Variants in SGCD observed in about 807,000 individuals in gnomAD.
SGCD encodes the protein delta-sarcoglycan.
A neutral mutation model predicts 36.6 loss-of-function variants in SGCD; 18 were observed. The ratio of observed to expected loss-of-function variants is 0.49; its 90% CI spans 0.34 to 0.73. The LOEUF is 0.73. Ranked by LOEUF, SGCD falls within the 30% of genes least tolerant of loss-of-function variation. The pLI, the probability that SGCD is intolerant of heterozygous loss-of-function variation, is 0.01. For missense variants in SGCD, 387 were observed against 346.7 expected (o/e 1.12, Z -0.92); for synonymous variants, 133 against 130.6 (o/e 1.02, Z -0.12).
At chr5:156,630,471 G>A (rs894535723) in intron 6 of SGCD, among the ~76,000 whole-genome samples, 8 of 152,112 alleles carry the variant, frequency 5.3e-5, no homozygotes, top group African/African-American at 1.7e-4. Context: ...CTCTTACTGT[G>A]TGCCATGCAC....
chr5:156,296,734 G>A (rs1364002647), intron 3 of SGCD, among the ~76,000 whole-genome samples: 3 of 152,052 alleles, frequency 2.0e-5, no homozygotes, highest in African/African-American at 7.2e-5. Context: ...GAAAATGTTG[G>A]AGGAGCATCT....
At chr5:155,814,151 A>G in the SGCD span, among the ~76,000 whole-genome samples, 5 of 152,188 alleles carry the variant, frequency 3.3e-5, no homozygotes, top group African/African-American at 1.2e-4. Flanking sequence ...TGTTGTTTCT[A>G]GGCACATTTT....
At chr5:155,948,525 A>G (rs150396253) in intron 1 of SGCD, among the ~76,000 whole-genome samples, 1 of 152,320 alleles carries the variant, frequency 6.6e-6, no homozygotes, top group Non-Finnish European at 1.5e-5. Flanking sequence ...GGCAAAAGCA[A>G]ACTCTAATTG....
chr5:155,938,278 C>G (rs1757256460), intron 1 of SGCD, among the ~76,000 whole-genome samples: 2 of 152,184 alleles, frequency 1.3e-5, no homozygotes, highest in Admixed American at 1.3e-4. Flanking sequence ...TACTTCACTG[C>G]AGGCCACAGG....
At chr5:155,901,638 A>T (rs947316662) in intron 1 of SGCD, among the ~76,000 whole-genome samples, 2 of 152,208 alleles carry the variant, frequency 1.3e-5, no homozygotes, top group African/African-American at 4.8e-5. Context: ...GTGGTAAGAA[A>T]AAAAAGTTAC....
the SGCD span, among the ~76,000 whole-genome samples, chr5:155,734,963 C>G: frequency 6.6e-6 from 1 of 152,094 alleles, no homozygotes; most frequent in Non-Finnish European, 1.5e-5. Flanking sequence ...CTGTATCTGC[C>G]ATTCAGTCTA....
chr5:156,343,196 A>G (rs1768759813), intron 2 of SGCD, among the ~76,000 whole-genome samples: 1 of 152,200 alleles, frequency 6.6e-6, no homozygotes, highest in African/African-American at 2.4e-5. Flanking sequence ...TTTGGTTTTC[A>G]TTATGGCCAC....
intron 6 of SGCD, among the ~76,000 whole-genome samples, chr5:156,619,962 CAAAG>C (rs1762179625): frequency 2.0e-5 from 3 of 152,154 alleles, no homozygotes; most frequent in African/African-American, 7.2e-5. Context: ...TTAATCCAAA[CAAAG>C]GAAGAAAGGA....
intron 3 of SGCD, among the ~76,000 whole-genome samples, chr5:156,455,803 TTAAGA>T (rs1754232052): frequency 1.3e-5 from 2 of 152,162 alleles, no homozygotes; most frequent in Admixed American, 1.3e-4. Context: ...TATAATCAAG[TTAAGA>T]TGAGATGGGC....
intron 3 of SGCD, chr5:156,458,555 G>A (rs114164514): frequency 0.024 from 29,401 of 1,207,092 alleles, 452 homozygotes; most frequent in Non-Finnish European, 0.031. Flanking sequence ...CCCTCAAACC[G>A]CATATGTCAA....
chr5:156,296,051 G>T (rs1282473695), intron 3 of SGCD, among the ~76,000 whole-genome samples: 2 of 152,168 alleles, frequency 1.3e-5, no homozygotes, highest in African/African-American at 2.4e-5. Context: ...CATCTGTTGG[G>T]GTCTAAGGCA....
In SGCD at chr5:156,341,319, T is replaced by A. The variant is rs1309959707; in HGVS notation, c.4-3170T>A. 2.0e-5 allele frequency among the ~76,000 whole-genome samples: 3 copies of A among 152,128 alleles called. No individual in the cohort carries two copies. In the East Asian group the frequency reaches 5.8e-4, roughly 29 times the overall value. The stretch of plus-strand genomic sequence containing the variant: ...AGCAGAGGAACTCCACTTTTTTTAT[T>A]TTTTATTTTATTTTATTTTATTTTT... On this transcript the variant is annotated intron_variant, in intron 2 of 8. Coordinates refer to ENST00000337851, the MANE Select transcript of SGCD (RefSeq NM_000337.6).
chr5:156,044,515 G>C (rs1344482596), intron 1 of SGCD, among the ~76,000 whole-genome samples: 1 of 152,158 alleles, frequency 6.6e-6, no homozygotes, highest in Admixed American at 6.5e-5. Context: ...AGTGATACTT[G>C]CTGTCTTCCC....
At chr5:156,002,068 C>T (rs549965510) in intron 1 of SGCD, among the ~76,000 whole-genome samples, 2 of 152,260 alleles carry the variant, frequency 1.3e-5, no homozygotes, top group African/African-American at 2.4e-5. Context: ...CTGAATTGTC[C>T]GCCTCTCATA....
chr5:156,386,849 GT>G (rs1163460914), intron 3 of SGCD, among the ~76,000 whole-genome samples: 1 of 152,218 alleles, frequency 6.6e-6, no homozygotes, highest in Non-Finnish European at 1.5e-5. Flanking sequence ...AGTCCAGAAA[GT>G]TTTTAACATT....
At chr5:156,189,470 T>A (rs893013574) in intron 3 of SGCD, among the ~76,000 whole-genome samples, 2 of 152,168 alleles carry the variant, frequency 1.3e-5, no homozygotes, top group Non-Finnish European at 2.9e-5. Context: ...ACAAAGCAGA[T>A]ATGAAATGAG....
intron 3 of SGCD, among the ~76,000 whole-genome samples, chr5:156,290,581 A>T (rs908729444): frequency 6.6e-6 from 1 of 152,176 alleles, no homozygotes; most frequent in Non-Finnish European, 1.5e-5. Flanking sequence ...GTTGCACATG[A>T]AGTGTTGAAC....
At chr5:156,708,119 T>G (rs572036573) in intron 7 of SGCD, among the ~76,000 whole-genome samples, 1 of 152,188 alleles carries the variant, frequency 6.6e-6, no homozygotes. Context: ...AAGAACGGAC[T>G]TTGAAATCAG....
At chr5:156,003,068 G>A (rs780362633) in intron 1 of SGCD, among the ~76,000 whole-genome samples, 1 of 152,188 alleles carries the variant, frequency 6.6e-6, no homozygotes, top group African/African-American at 2.4e-5. Flanking sequence ...AGTTAATGAA[G>A]CCATCCCAAA....
Sources: gnomAD v4.1 joint callset for allele counts (sites outside exome capture counted in the v4.1 genomes callset) on GRCh38, gnomAD v4.1.1 for gene constraint, MANE v1.5 for transcripts, NCBI Gene and HGNC (gene_info 2026-07-23, HGNC 2026-07-21) for gene names.